The following STPG2 variants were observed in gnomAD, a reference collection of about 807,000 sequenced individuals.
The protein encoded by STPG2 is sperm tail PG-rich repeat containing 2, also known as sperm-tail PG-rich repeat-containing protein 2.
In STPG2, 56 loss-of-function variants were observed where a neutral mutation model predicts 54.2. That is an observed-to-expected ratio of 1.03 (90% CI 0.83 to 1.29). STPG2 has a LOEUF of 1.29. Among genes scored for constraint, STPG2 ranks in the 50% most tolerant of loss-of-function variants. The pLI is 0.00. For synonymous variants in STPG2, 200 were observed against 181.8 expected (o/e 1.10, Z -0.81); for missense variants, 596 against 544.9 (o/e 1.09, Z -0.93).
intron 9 of STPG2, among the ~76,000 whole-genome samples, chr4:97,732,426 C>A (rs1452964680): frequency 1.3e-5 from 2 of 152,272 alleles, no homozygotes; most frequent in East Asian, 1.9e-4. Context: ...TCCCAGCACA[C>A]CATTTATTAA....
At chr4:97,643,006 GATGA>G (rs1461433005) in intron 10 of STPG2, among the ~76,000 whole-genome samples, 1 of 151,352 alleles carries the variant, frequency 6.6e-6, no homozygotes, top group Admixed American at 6.6e-5. Flanking sequence ...ATAAATATCT[GATGA>G]ATGAATGAAT....
chr4:98,043,039 T>A (rs896582303), intron 5 of STPG2, among the ~76,000 whole-genome samples: 1 of 152,084 alleles, frequency 6.6e-6, no homozygotes, highest in Admixed American at 6.6e-5. Flanking sequence ...TATATTACAA[T>A]GGTTATATCT....
intron 4 of STPG2, among the ~76,000 whole-genome samples, chr4:97,525,960 T>G (rs1731271899): frequency 6.6e-6 from 1 of 151,868 alleles, no homozygotes; most frequent in South Asian, 2.1e-4. Flanking sequence ...TAAGAAACAC[T>G]TACAAATACA....
intron 9 of STPG2, among the ~76,000 whole-genome samples, chr4:97,758,261 A>G (rs1180479147): frequency 6.6e-6 from 1 of 152,216 alleles, no homozygotes; most frequent in East Asian, 1.9e-4. Context: ...GAGGAGCAAA[A>G]GGACTCTTAT....
At chr4:97,734,098 A>C (rs1724894369) in intron 9 of STPG2, among the ~76,000 whole-genome samples, 1 of 152,342 alleles carries the variant, frequency 6.6e-6, no homozygotes, top group South Asian at 2.1e-4. Flanking sequence ...CTTAAATAAA[A>C]AGCTTTCAGC....
At chr4:98,073,911 G>C (rs751503003) in intron 5 of STPG2, among the ~76,000 whole-genome samples, 11 of 152,046 alleles carry the variant, frequency 7.2e-5, no homozygotes, top group Non-Finnish European at 1.0e-4. Flanking sequence ...TCTAAAATAG[G>C]AGTAAAGGAG....
chr4:97,700,675 G>A (rs1316594865), intron 10 of STPG2, among the ~76,000 whole-genome samples: 1 of 152,186 alleles, frequency 6.6e-6, no homozygotes, highest in East Asian at 1.9e-4. Context: ...GTGATATCTT[G>A]CGGAAGTGGA....
chr4:97,839,958 A>G (rs2149120679), intron 9 of STPG2, among the ~76,000 whole-genome samples: 1 of 151,742 alleles, frequency 6.6e-6, no homozygotes, highest in Admixed American at 6.6e-5. Context: ...TTTATTGTTG[A>G]AAATGATTGT....
chr4:97,559,059 C>T lies in STPG2; in HGVS notation c.1379G>A (p.Ter460=), dbSNP rs573147880. ...LIGEMAADIM[*] ...TTAAGTTTTTGCCATAAATTTATGT[C>T]ACATTATATCAGCAGCCATTTCACC... Residue 460 remains the stop codon, a stop_retained_variant, in exon 11 of 11, where the codon TGA becomes TAA. Coordinates refer to ENST00000295268, the MANE Select transcript of STPG2 (RefSeq NM_174952.3). 2 of 1,599,172 alleles carry T rather than the reference C, an allele frequency of 1.3e-6. No individual in the cohort carries two copies. The highest frequency in any genetic ancestry group is 2.3e-5 in the South Asian group (2 of 87,390).
chr4:97,599,684 C>A (rs976134927), intron 10 of STPG2, among the ~76,000 whole-genome samples: 1 of 151,692 alleles, frequency 6.6e-6, no homozygotes, highest in Non-Finnish European at 1.5e-5. Flanking sequence ...ATTACCAGGG[C>A]GTGGTGGCGG....
At chr4:97,707,570 G>T (rs1016279274) in intron 10 of STPG2, among the ~76,000 whole-genome samples, 24 of 151,882 alleles carry the variant, frequency 1.6e-4, no homozygotes, top group African/African-American at 5.8e-4. Flanking sequence ...AGGGAGGGGG[G>T]AAGTACTAGA....
chr4:97,948,170 T>C (rs1733313741), intron 7 of STPG2, among the ~76,000 whole-genome samples: 1 of 152,118 alleles, frequency 6.6e-6, no homozygotes, highest in South Asian at 2.1e-4. Flanking sequence ...CCATTTCCTC[T>C]AGATTTCCTA....
intron 7 of STPG2, among the ~76,000 whole-genome samples, chr4:97,945,378 G>C (rs1481507214): frequency 1.3e-5 from 2 of 152,072 alleles, no homozygotes; most frequent in Non-Finnish European, 2.9e-5. Flanking sequence ...AGTTGCTGCA[G>C]AAGATATTAT....
At chr4:98,126,995 C>G (rs1474615841) in intron 3 of STPG2, among the ~76,000 whole-genome samples, 1 of 151,834 alleles carries the variant, frequency 6.6e-6, no homozygotes, top group African/African-American at 2.4e-5. Flanking sequence ...ATCTAATATA[C>G]TCATACGGTT....
rs1737505953 is a variant in STPG2, at chr4:98,057,019, T to TTAATTTATAACAC, written c.612+48933_612+48934insGTGTTATAAATTA. Among the ~76,000 whole-genome samples the TTAATTTATAACAC allele has an allele frequency of 2.6e-5, 4 of 152,286 alleles. No homozygotes were observed. The South Asian group carries it at 8.3e-4, about 32-fold the overall frequency. ...TCATAAATTAACCAGTCTCAGGTAGTTCTTTACAGCAGTGTGCAGAATGGA... is the reference window on the plus strand; with the variant it reads ...TCATAAATTAACCAGTCTCAGGTAGTTAATTTATAACACTCTTTACAGCAGTGTGCAGAATGGA... On this transcript the variant is annotated intron_variant, in intron 5 of 10. Transcript: ENST00000295268.
chr4:97,965,176 C>A (rs1482485149), intron 7 of STPG2, among the ~76,000 whole-genome samples: 2 of 152,236 alleles, frequency 1.3e-5, no homozygotes, highest in Non-Finnish European at 2.9e-5. Flanking sequence ...AACCGACAGA[C>A]CAGGAGATTA....
chr4:97,814,968 C>G (rs1173660599), intron 9 of STPG2, among the ~76,000 whole-genome samples: 1 of 152,002 alleles, frequency 6.6e-6, no homozygotes, highest in African/African-American at 2.4e-5. Context: ...AGAACCCTGA[C>G]TAATACAGTA....
chr4:97,463,868 T>C (rs1729727661), intron 4 of STPG2, among the ~76,000 whole-genome samples: 1 of 152,212 alleles, frequency 6.6e-6, no homozygotes, highest in Admixed American at 6.5e-5. Context: ...TCATCGAATG[T>C]TCTTTTTCTA....
intron 8 of STPG2, among the ~76,000 whole-genome samples, chr4:97,899,981 C>G (rs918955119): frequency 6.7e-6 from 1 of 149,796 alleles, no homozygotes; most frequent in Admixed American, 6.6e-5. Context: ...ACAGAGTGAA[C>G]AGACAACCTA....
Sources: allele counts gnomAD v4.1 joint callset (sites outside exome capture counted in the v4.1 genomes callset), GRCh38; gene constraint gnomAD v4.1.1; transcripts MANE v1.5; gene names NCBI Gene and HGNC (gene_info 2026-07-23, HGNC 2026-07-21).